The following CFAP46 variants were observed in gnomAD, a reference collection of about 807,000 sequenced individuals.
The protein encoded by CFAP46 is cilia and flagella associated protein 46, also known as cilia- and flagella-associated protein 46.
Under a neutral mutation model 325.7 loss-of-function variants are expected in CFAP46, and 245 were observed. The ratio of observed to expected loss-of-function variants is 0.75; its 90% confidence interval spans 0.68 to 0.84. The LOEUF (loss-of-function observed/expected upper bound fraction) is 0.84. Ranked by LOEUF, CFAP46 falls within the 40% of genes least tolerant of loss-of-function variation. CFAP46 has a pLI of 0.00. For synonymous variants in CFAP46, 1,523 were observed against 1,495.9 expected (o/e 1.02, Z -0.42); for missense variants, 3,346 against 3,543.0 (o/e 0.94, Z 1.41).
At chr10:132,922,075 G>A in intron 13 of CFAP46, 29 bp downstream of exon 13, 1 of 1,546,684 alleles carries the variant, frequency 6.5e-7, no homozygotes, top group East Asian at 2.4e-5. Flanking sequence ...GGACCGTTCT[G>A]GGCTGGGAGA....
At chr10:132,937,329 G>T in intron 6 of CFAP46, 1 of 573,496 alleles carries the variant, frequency 1.7e-6, no homozygotes, top group Non-Finnish European at 3.0e-6. Flanking sequence ...GACGATAAAG[G>T]CAAAAGACCC....
rs190813514 is a variant in CFAP46, at chr10:132,865,607, A to G, written c.4890+418T>C. ...AACAAACAAAGACCAGACCAGGCCC[A>G]GATTCCTGGACCCAGGCAGCCCCGC... On this transcript the variant is annotated intron_variant, in intron 35 of 57. Coordinates refer to ENST00000368586, the MANE Select transcript of CFAP46 (RefSeq NM_001200049.3). Among the ~76,000 whole-genome samples the G allele has an allele frequency of 9.2e-3, 1,409 of 152,342 alleles. 12 individuals are homozygous for G. The highest frequency in any genetic ancestry group is 0.043 in the South Asian group (210 of 4,830).
At chr10:132,837,664 GA>G (rs1418618366) in intron 44 of CFAP46, among the ~76,000 whole-genome samples, 1 of 100,346 alleles carries the variant, frequency 1.0e-5, no homozygotes, top group East Asian at 3.0e-4. Flanking sequence ...GATGCACACA[GA>G]CATGCACGGA....
chr10:132,908,373 G>A (rs1444349524), intron 22 of CFAP46, 95 bp downstream of exon 22: 1 of 1,417,972 alleles, frequency 7.1e-7, no homozygotes, highest in East Asian at 2.5e-5. Context: ...GGGAACTGGT[G>A]GGGCGCTCAC....
Position 132,909,263 on chromosome 10 carries a change from T to C in CFAP46, c.2650-19A>G. On this transcript the variant is annotated intron_variant, in intron 20 of 57. Coordinates refer to ENST00000368586, the MANE Select transcript of CFAP46 (RefSeq NM_001200049.3). Reference sequence around the variant, plus strand: ...TGGTGCCCTGGTGGGGAGGATGCCCTGAGTGTATCAGCCCAAGCGTGCGGG... The same window carrying C: ...TGGTGCCCTGGTGGGGAGGATGCCCCGAGTGTATCAGCCCAAGCGTGCGGG... 4 of 1,530,918 alleles carry C rather than the reference T, an allele frequency of 2.6e-6. No individual in the cohort carries two copies. The highest frequency in any genetic ancestry group is 3.5e-6 in the Non-Finnish European group (4 of 1,129,466). 94.8% of individuals were successfully genotyped at this position (1,530,918 alleles called of 1,614,324 possible).
chr10:132,834,718 C>T lies in CFAP46; in HGVS notation c.6802G>A (p.Val2268Ile), dbSNP rs141905597. Residue 2268 changes from valine (V) to isoleucine (I), a missense_variant, in exon 48 of 58, where the codon GTC becomes ATC. Physicochemically the swap from Val to Ile is conservative, Grantham distance 29. Transcript: ENST00000368586. ...KERPVQRLSS[V>I]LGPLEELLQP... is the part of the protein sequence containing the mutation. Reference sequence around the variant, plus strand: ...AGAAGCTCCTCCAGGGGCCCCAGGACGCTACTGAGCCTCTGCACAGGGCGC... The same window carrying T: ...AGAAGCTCCTCCAGGGGCCCCAGGATGCTACTGAGCCTCTGCACAGGGCGC... The T allele has an allele frequency of 1.3e-4, 208 of 1,612,940 alleles. No homozygotes were observed. The highest frequency in any genetic ancestry group is 1.6e-4 in the African/African-American group (12 of 74,924).
chr10:132,854,163 G>A (rs796769456), intron 39 of CFAP46, among the ~76,000 whole-genome samples: 7 of 151,904 alleles, frequency 4.6e-5, no homozygotes, highest in African/African-American at 1.4e-4. Context: ...TTTCCATCTC[G>A]GTATTGAATT....
At chr10:132,825,932 TGTG>T (rs1848037673) in intron 50 of CFAP46, among the ~76,000 whole-genome samples, 1 of 149,258 alleles carries the variant, frequency 6.7e-6, no homozygotes, top group African/African-American at 2.4e-5. Context: ...GCAGATAAAT[TGTG>T]GTGGGTGGAA....
In CFAP46 at chr10:132,890,206, CAGAGGCACA is replaced by C. The variant is rs144888179; in HGVS notation, c.3304+2118_3304+2126del. On this transcript the variant is annotated intron_variant, in intron 25 of 57. Coordinates refer to ENST00000368586, the MANE Select transcript of CFAP46 (RefSeq NM_001200049.3). Reference sequence around the variant, plus strand: ...ACATTCTGAAGGGGTCTGGGCTGCCCAGAGGCACAAAACACCCTCCACAGCCTCCTCTGC... The same window carrying C: ...ACATTCTGAAGGGGTCTGGGCTGCCCAAACACCCTCCACAGCCTCCTCTGC... Among the ~76,000 whole-genome samples, 262 of 152,042 alleles carry C rather than the reference CAGAGGCACA, an allele frequency of 1.7e-3. 1 individual carries two copies. The highest frequency in any genetic ancestry group is 6.0e-3 in the African/African-American group (249 of 41,452).
At chr10:132,936,599 G>C (rs1297790056) in intron 7 of CFAP46, among the ~76,000 whole-genome samples, 3 of 139,612 alleles carry the variant, frequency 2.1e-5, no homozygotes, top group Non-Finnish European at 4.7e-5. Flanking sequence ...AATACACTGT[G>C]ATCTCCTCAC....
At chr10:132,905,260 C>G (rs1040432900) in intron 22 of CFAP46, among the ~76,000 whole-genome samples, 4 of 152,164 alleles carry the variant, frequency 2.6e-5, no homozygotes, top group African/African-American at 7.2e-5. Context: ...CCCGGACTCT[C>G]TAACTGGTGT....
chr10:132,933,336 G>A (rs1349283304), intron 8 of CFAP46, among the ~76,000 whole-genome samples: 5 of 152,222 alleles, frequency 3.3e-5, no homozygotes, highest in Admixed American at 1.3e-4. Context: ...GAGAGAATCC[G>A]TAAAAGTGCC....
At chr10:132,887,126 C>G (rs1400967620) in intron 25 of CFAP46, among the ~76,000 whole-genome samples, 1 of 144,566 alleles carries the variant, frequency 6.9e-6, no homozygotes, top group East Asian at 2.1e-4. Context: ...TCTCTCTCTC[C>G]TCTCCTCTGT....
In CFAP46 at chr10:132,941,581, C is replaced by G; in HGVS notation, c.306+10G>C. On this transcript the variant is annotated intron_variant, in intron 3 of 57. Transcript: ENST00000368586. ...ACTGTTGGGGATAAGGGGCACAGGACGCCTCTCACCAGGTTTTCTGCCGAC... is the reference window on the plus strand; with the variant it reads ...ACTGTTGGGGATAAGGGGCACAGGAGGCCTCTCACCAGGTTTTCTGCCGAC... 6.2e-7 allele frequency: 1 copy of G among 1,610,106 alleles called. No individual in the cohort carries two copies. Among genetic ancestry groups the G allele is most frequent in the Non-Finnish European group, 8.5e-7 (1 of 1,177,620 alleles).
rs867539619 is a variant in CFAP46 at position 132,822,552 on chromosome 10, G to C, written c.7118-7638C>G. Among the ~76,000 whole-genome samples the C allele has an allele frequency of 4.4e-5, 6 of 136,120 alleles. No individual in the cohort carries two copies. In the South Asian group the frequency reaches 7.8e-4, roughly 18 times the overall value. The allele number at this position is 136,120 out of a possible 152,430, so 89.3% of individuals were successfully genotyped here. On this transcript the variant is annotated intron_variant, in intron 50 of 57. Transcript: ENST00000368586. ...TGTGCTGTGTGCTGACGTGTGCTGT[G>C]TGTGCGCTGATGTGTGCTGTGTGTG... is the stretch of plus-strand genomic sequence containing the variant.
At chr10:132,815,437 A>G (rs1389675485) in intron 50 of CFAP46, among the ~76,000 whole-genome samples, 1 of 152,222 alleles carries the variant, frequency 6.6e-6, no homozygotes, top group East Asian at 1.9e-4. Flanking sequence ...GACCGCCTTC[A>G]AAGAGGCTGC....
rs1274772210 is a variant in CFAP46 at position 132,909,186 on chromosome 10, G to A, written c.2708C>T (p.Ser903Leu). The change falls in exon 21 of 58, where the codon TCA becomes TTA. Residue 903 changes from serine to leucine, a missense_variant. Ser to Leu is a moderately radical substitution (Grantham distance 145). Coordinates refer to ENST00000368586, the MANE Select transcript of CFAP46 (RefSeq NM_001200049.3). ...TRVLVALEMY[S>L]CNGLGLMDFT... ...GTCCATGAGGCCCAGCCCGTTGCAT[G>A]AGTACATTTCCAAGGCAACGAGGAC... is the stretch of plus-strand genomic sequence containing the variant. 6 of 1,550,186 alleles carry A rather than the reference G, an allele frequency of 3.9e-6. No homozygotes were observed. Among genetic ancestry groups the A allele is most frequent in the South Asian group, 1.2e-5 (1 of 84,072 alleles).
chr10:132,825,528 T>A (rs1313436583), intron 50 of CFAP46, among the ~76,000 whole-genome samples: 2 of 152,176 alleles, frequency 1.3e-5, no homozygotes, highest in Non-Finnish European at 1.5e-5. Context: ...TGGTCTATGT[T>A]AGGCATGTAC....
intron 37 of CFAP46, 93 bp from the exon 38 acceptor site, chr10:132,859,340 TC>T: frequency 8.9e-7 from 1 of 1,126,580 alleles, no homozygotes. Context: ...CCGGTGTTCA[TC>T]CAGGGATGCT....
Sources: allele counts gnomAD v4.1 joint callset (sites outside exome capture counted in the v4.1 genomes callset), GRCh38; gene constraint gnomAD v4.1.1; transcripts MANE v1.5; gene names NCBI Gene and HGNC (gene_info 2026-07-23, HGNC 2026-07-21).